Variants in BCR observed in about 807,000 individuals in gnomAD.
The protein encoded by BCR is breakpoint cluster region protein.
A neutral mutation model predicts 138.6 loss-of-function variants in BCR; 58 were observed. The ratio of observed to expected loss-of-function variants is 0.42; its 90% confidence interval spans 0.34 to 0.52. BCR has a LOEUF of 0.52. Ranked by LOEUF, BCR falls within the 20% of genes least tolerant of loss-of-function variation. The pLI, the probability that BCR is intolerant of heterozygous loss-of-function variation, is 0.06. For missense variants in BCR, 1,599 were observed against 1,727.2 expected (o/e 0.93, Z 1.32); for synonymous variants, 786 against 730.1 (o/e 1.08, Z -1.23).
chr22:23,220,406 C>G (rs183357188), intron 1 of BCR, among the ~76,000 whole-genome samples: 6 of 152,344 alleles, frequency 3.9e-5, no homozygotes, highest in African/African-American at 1.4e-4. Flanking sequence ...TGCTGCCTCT[C>G]TGCCTGGGTC....
chr22:23,214,049 G>T (rs78695540), intron 1 of BCR, among the ~76,000 whole-genome samples: 1,852 of 152,172 alleles, frequency 0.012, 33 homozygotes, highest in African/African-American at 0.04. Context: ...TTAGAGATGA[G>T]GTGTGCAAAA....
At chr22:23,298,714 G>C (rs371980442) in intron 16 of BCR, among the ~76,000 whole-genome samples, 1 of 152,060 alleles carries the variant, frequency 6.6e-6, no homozygotes, top group Non-Finnish European at 1.5e-5. Flanking sequence ...TGCTGCCGCA[G>C]CCTCCTGAAT....
intron 1 of BCR, among the ~76,000 whole-genome samples, chr22:23,185,371 C>T (rs898145260): frequency 4.6e-5 from 7 of 152,138 alleles, no homozygotes; most frequent in African/African-American, 1.7e-4. Context: ...TGCTGTAAAA[C>T]TATGCAGAAC....
chr22:23,216,883 G>A (rs900285764), intron 1 of BCR: 15 of 253,480 alleles, frequency 5.9e-5, no homozygotes, highest in South Asian at 4.6e-4. Context: ...AAAGGTGGAT[G>A]CTGCAGGGCT....
rs770911256 is a variant in BCR, at chr22:23,217,771, C to T, written c.1279+35532C>T. Among the ~76,000 whole-genome samples, 93 of 152,350 alleles carry T rather than the reference C, an allele frequency of 6.1e-4. 1 individual carries two copies. The highest frequency in any genetic ancestry group is 1.2e-3 in the Admixed American group (18 of 15,304). The stretch of plus-strand genomic sequence containing the variant: ...AAATAAATAGTGGAATAAATAAATA[C>T]ATGGGAAACCGCACTTTGCCTACGT... On this transcript the variant is annotated intron_variant, in intron 1 of 22. Transcript: ENST00000305877.
chr22:23,308,172 A>G (rs565970204), intron 16 of BCR, among the ~76,000 whole-genome samples: 12 of 151,850 alleles, frequency 7.9e-5, no homozygotes, highest in South Asian at 2.1e-4. Context: ...GTGGCCTTCT[A>G]TGGAGTCAGA....
intron 1 of BCR, among the ~76,000 whole-genome samples, chr22:23,205,535 A>C (rs757306689): frequency 6.6e-6 from 1 of 151,942 alleles, no homozygotes; most frequent in East Asian, 1.9e-4. Flanking sequence ...GCCTTGCTCT[A>C]TTTCTGCAAG....
chr22:23,210,272 C>G (rs549969797), intron 1 of BCR, among the ~76,000 whole-genome samples: 1 of 152,028 alleles, frequency 6.6e-6, no homozygotes, highest in East Asian at 1.9e-4. Flanking sequence ...TGAAAATTAG[C>G]TGGGCATGGT....
At chr22:23,185,444 T>A (rs1253231143) in intron 1 of BCR, among the ~76,000 whole-genome samples, 2 of 151,938 alleles carry the variant, frequency 1.3e-5, no homozygotes, top group African/African-American at 4.8e-5. Flanking sequence ...GGCGGGTGGA[T>A]CACAAGGGCA....
At chr22:23,298,759 C>T (rs148838912) in intron 16 of BCR, among the ~76,000 whole-genome samples, 2,913 of 152,260 alleles carry the variant, frequency 0.019, 88 homozygotes, top group African/African-American at 0.066. Context: ...CCACGCCTGG[C>T]TAATTTTTTT....
intron 1 of BCR, among the ~76,000 whole-genome samples, chr22:23,214,080 C>T (rs1390421278): frequency 1.3e-5 from 2 of 152,168 alleles, no homozygotes; most frequent in African/African-American, 4.8e-5. Context: ...AGCGTGGCTG[C>T]TGGCATGCCC....
intron 8 of BCR, among the ~76,000 whole-genome samples, chr22:23,282,569 A>G (rs1055380060): frequency 2.6e-5 from 4 of 152,220 alleles, no homozygotes; most frequent in African/African-American, 9.6e-5. Context: ...CGGCCCCAGA[A>G]TGGGGGAAAA....
rs765163453 is a variant in BCR at position 23,182,186 on chromosome 22, A to C, written c.1226A>C (p.Lys409Thr). The C allele has an allele frequency of 4.4e-6, 7 of 1,600,422 alleles. No individual in the cohort carries two copies. The Admixed American group carries it at 1.0e-4, about 23-fold the overall frequency. The change falls in exon 1 of 23, where the codon AAG becomes ACG. Residue 409 changes from lysine (K) to threonine (T), a missense_variant. Physicochemically the swap from Lys to Thr is moderately conservative, Grantham distance 78. Coordinates refer to ENST00000305877, the MANE Select transcript of BCR (RefSeq NM_004327.4). ...GAGGCCACCATCGTGGGCGTCCGCA[A>C]GACCGGGCAGATCTGGCCCAACGAT... is the stretch of plus-strand genomic sequence containing the variant. Reference protein sequence around the residue: ...VSEATIVGVRKTGQIWPNDGE... With the variant: ...VSEATIVGVRTTGQIWPNDGE...
chr22:23,241,536 G>A (rs1017130603), intron 1 of BCR, among the ~76,000 whole-genome samples: 2 of 152,106 alleles, frequency 1.3e-5, no homozygotes, highest in Admixed American at 6.5e-5. Flanking sequence ...CCTTTGAAGG[G>A]CACTACCCAT....
intron 5 of BCR, among the ~76,000 whole-genome samples, chr22:23,269,106 G>C (rs1280891014): frequency 6.6e-6 from 1 of 152,246 alleles, no homozygotes; most frequent in Non-Finnish European, 1.5e-5. Flanking sequence ...CAAACCATGT[G>C]GTGTTAGCGC....
At chr22:23,298,555 CCT>C (rs2146315615) in intron 16 of BCR, among the ~76,000 whole-genome samples, 3 of 149,492 alleles carry the variant, frequency 2.0e-5, no homozygotes, top group African/African-American at 5.0e-5. Context: ...TCCCTTCCTT[CCT>C]TTTCTTTCTT....
Position 23,259,518 on chromosome 22 carries a change from T to A in BCR, c.1462-1432T>A, listed in dbSNP as rs201221222. On this transcript the variant is annotated intron_variant, in intron 2 of 22. Coordinates refer to ENST00000305877, the MANE Select transcript of BCR (RefSeq NM_004327.4). ...CTTGTTTCTATTACCAAAAAAAAAATTTTTTTTTTTTTTTTGAGATGGAGT... is the reference window on the plus strand; with the variant it reads ...CTTGTTTCTATTACCAAAAAAAAAAATTTTTTTTTTTTTTTGAGATGGAGT... Among the ~76,000 whole-genome samples the A allele has an allele frequency of 3.1e-3, 412 of 132,524 alleles. 3 individuals are homozygous for A. Among genetic ancestry groups the A allele is most frequent in the African/African-American group, 0.011 (336 of 30,348 alleles). The allele number at this position is 132,524 out of a possible 152,430, so 86.9% of individuals were successfully genotyped here.
At chr22:23,196,372 G>A (rs779832004) in intron 1 of BCR, among the ~76,000 whole-genome samples, 1 of 152,204 alleles carries the variant, frequency 6.6e-6, no homozygotes, top group Non-Finnish European at 1.5e-5. Context: ...GCGAGACTCT[G>A]TGGATGGATC....
At chr22:23,303,700 C>G (rs747883173) in intron 16 of BCR, among the ~76,000 whole-genome samples, 1 of 152,232 alleles carries the variant, frequency 6.6e-6, no homozygotes, top group African/African-American at 2.4e-5. Flanking sequence ...CAAATTCTTA[C>G]ACAGATTCCA....
Sources: gnomAD v4.1 joint callset for allele counts (sites outside exome capture counted in the v4.1 genomes callset) on GRCh38, gnomAD v4.1.1 for gene constraint, MANE v1.5 for transcripts, NCBI Gene and HGNC (gene_info 2026-07-23, HGNC 2026-07-21) for gene names.